Variants in MXRA5 observed in about 807,000 individuals in gnomAD.
MXRA5 encodes the protein matrix-remodeling-associated protein 5.
A neutral mutation model predicts 112.5 loss-of-function variants in MXRA5; 41 were observed. That is an observed-to-expected ratio of 0.36 (90% CI 0.28 to 0.47). MXRA5 has a LOEUF of 0.47. Ranked by LOEUF, MXRA5 falls within the 20% of genes least tolerant of loss-of-function variation. MXRA5 has a pLI of 0.99. For synonymous variants in MXRA5, 862 were observed against 900.8 expected (o/e 0.96, Z 0.77); for missense variants, 2,150 against 2,251.0 (o/e 0.96, Z 0.91).
rs1451148093 is a variant in MXRA5 at position 3,322,425 on chromosome X, C to T, written c.3260G>A (p.Gly1087Asp). Residue 1087 changes from glycine (G) to aspartate (D), a missense_variant, in exon 5 of 7, where the codon GGC becomes GAC. Physicochemically the swap from Gly to Asp is moderately conservative, Grantham distance 94. Transcript: ENST00000217939. ...PTHSRSSESE[G>D]QESKSITLPD... ...CAAAGTGATGGATTTGCTCTCTTGG[C>T]CCTCACTCTCAGAACTTCTGGAGTG... The T allele has an allele frequency of 4.1e-6, 5 of 1,209,372 alleles. No individual in the cohort carries two copies. Among genetic ancestry groups the T allele is most frequent in the Non-Finnish European group, 5.6e-6 (5 of 895,018 alleles).
chrX:3,313,290 C>T (rs1391162238), intron 6 of MXRA5, among the ~76,000 whole-genome samples: 2 of 112,221 alleles, frequency 1.8e-5, no homozygotes, highest in African/African-American at 6.5e-5. Flanking sequence ...GATGGAGTCT[C>T]GCTCTGTCAC....
chrX:3,332,697 C>A (rs1921696070), intron 2 of MXRA5, among the ~76,000 whole-genome samples: 1 of 112,162 alleles, frequency 8.9e-6, no homozygotes, highest in Non-Finnish European at 1.9e-5. Context: ...CATTTTGACT[C>A]ATGTAGTCAA....
At chrX:3,318,623 T>C (rs1921214497) in intron 5 of MXRA5, among the ~76,000 whole-genome samples, 1 of 112,302 alleles carries the variant, frequency 8.9e-6, no homozygotes, top group African/African-American at 3.2e-5. Flanking sequence ...GAAAACAGTA[T>C]GGAGATTCCT....
Position 3,330,771 on chromosome X carries a change from A to C in MXRA5, c.191T>G (p.Phe64Cys). ...AKHVERINLG[F>C]NSIQALSETS... ...TTCTGACAGGGCCTGTATGCTATTA[A>C]ACCTAAAGAATGGTAATAATAATAA... The change falls in exon 3 of 7, where the codon TTT (phenylalanine) becomes TGT (cysteine). Residue 64 changes from phenylalanine to cysteine, a missense_variant and splice_region_variant. Around this residue, in one of 6 missense-constraint regions of MXRA5, gnomAD observed 386 missense variants for 411.0 expected, o/e 0.94. Transcript: ENST00000217939. The C allele has an allele frequency of 8.8e-7, 1 of 1,133,447 alleles. No homozygotes were observed. Among genetic ancestry groups the C allele is most frequent in the Middle Eastern group, 2.5e-4 (1 of 4,056 alleles). 93.4% of individuals were successfully genotyped at this position (1,133,447 alleles called of 1,213,427 possible).
rs867295958 is a variant in MXRA5, at chrX:3,324,208, C to T, written c.1477G>A (p.Glu493Lys). Residue 493 changes from glutamate (E) to lysine (K), a missense_variant, in exon 5 of 7, where the codon GAA becomes AAA. Physicochemically the swap from Glu to Lys is moderately conservative, Grantham distance 56. Coordinates refer to ENST00000217939, the MANE Select transcript of MXRA5 (RefSeq NM_015419.4). Reference protein sequence around the residue: ...GAVQRDQTVLEGGPCQLSCNV... With the variant: ...GAVQRDQTVLKGGPCQLSCNV... ...CAGCTCAACTGGCATGGACCCCCTT[C>T]CAGGACAGTCTGATCTCTTTGCACA... 1 of 1,211,835 alleles carries T rather than the reference C, an allele frequency of 8.3e-7. No homozygotes were observed. The highest frequency in any genetic ancestry group is 1.1e-6 in the Non-Finnish European group (1 of 895,529).
In MXRA5 at chrX:3,320,314, G is replaced by A. The variant is rs1460150943; in HGVS notation, c.5371C>T (p.His1791Tyr). The part of the protein sequence containing the change: ...DFGPPAPPLL[H>Y]TPQTTGSPST... The stretch of plus-strand genomic sequence containing the variant: ...GGTGATCCCGTGGTCTGCGGAGTGT[G>A]CAACAACGGAGGTGCCGGAGGGCCA... Residue 1791 changes from histidine (H) to tyrosine (Y), a missense_variant, in exon 5 of 7, where the codon CAC becomes TAC. Around this residue, in one of 6 missense-constraint regions of MXRA5, gnomAD observed 1,485 missense variants for 1,471.6 expected, o/e 1.01. Transcript: ENST00000217939. 8.3e-6 allele frequency: 10 copies of A among 1,211,891 alleles called. No individual in the cohort carries two copies. Among genetic ancestry groups the A allele is most frequent in the Non-Finnish European group, 1.1e-5 (10 of 895,454 alleles).
At chrX:3,325,550 A>G (rs1921438580) in intron 4 of MXRA5, among the ~76,000 whole-genome samples, 1 of 105,060 alleles carries the variant, frequency 9.5e-6, no homozygotes, top group African/African-American at 3.4e-5. Flanking sequence ...ATATATTTAT[A>G]TAATATATAT....
intron 2 of MXRA5, 145 bp downstream of exon 2, chrX:3,343,500 GC>G: frequency 1.8e-6 from 1 of 562,379 alleles, no homozygotes; most frequent in East Asian, 3.7e-5. Flanking sequence ...TCTCTATTCT[GC>G]CCATCTGCAG....
Position 3,322,766 on chromosome X carries a change from C to T in MXRA5, c.2919G>A (p.Glu973=). ...AATCTGGGTCAAAGTATTGCATGGGCTCAGACTCAGCCAAGGAGACAGCAT... is the reference window on the plus strand; with the variant it reads ...AATCTGGGTCAAAGTATTGCATGGGTTCAGACTCAGCCAAGGAGACAGCAT... ...PLDAVSLAES[E]PMQYFDPDLE... is the part of the protein sequence containing the mutation. Residue 973 remains glutamate (E), a synonymous_variant, in exon 5 of 7, where the codon GAG becomes GAA. Coordinates refer to ENST00000217939, the MANE Select transcript of MXRA5 (RefSeq NM_015419.4). The T allele has an allele frequency of 6.6e-6, 8 of 1,211,529 alleles. No individual in the cohort carries two copies. The highest frequency in any genetic ancestry group is 8.9e-6 in the Non-Finnish European group (8 of 895,476).
rs1297191323 is a variant in MXRA5, at chrX:3,321,939, C to T, written c.3746G>A (p.Ser1249Asn). 1 of 1,211,356 alleles carries T rather than the reference C, an allele frequency of 8.3e-7. No homozygotes were observed. ...GGGCTTGGATCCGGACGCTCTTGAGCTCACTGTAGAAGGGGTATATCGATG... is the reference window on the plus strand; with the variant it reads ...GGGCTTGGATCCGGACGCTCTTGAGTTCACTGTAGAAGGGGTATATCGATG... ...NKHRYTPSTV[S>N]SRASGSKPSP... Residue 1249 changes from serine to asparagine, a missense_variant, in exon 5 of 7, where the codon AGC becomes AAC. By Grantham distance (46) the Ser-to-Asn change is conservative. Transcript: ENST00000217939.
chrX:3,317,057 G>A (rs1349940207), intron 6 of MXRA5, 46 bp downstream of exon 6: 1 of 1,089,592 alleles, frequency 9.2e-7, no homozygotes, highest in South Asian at 2.3e-5. Context: ...TATTCGTTGG[G>A]GCCACCAGCC....
At position 3,321,557 on chromosome X, in the gene MXRA5, T is replaced by A. The variant is rs902472492; in HGVS notation, c.4128A>T (p.Gly1376=). The A allele has an allele frequency of 5.0e-6, 6 of 1,207,751 alleles. No individual in the cohort carries two copies. The African/African-American group carries it at 1.0e-4, about 21-fold the overall frequency. ...TCCTTGAGGGATTCCAGGTTGGAGT[T>A]CCTGGAAAGCCTACAGGAGAGGATT... ...KEESSPVGFP[G]TPTWNPSRTA... is the part of the protein sequence containing the mutation. Residue 1376 remains glycine (G), a synonymous_variant, in exon 5 of 7, where the codon GGA becomes GGT. Coordinates refer to ENST00000217939, the MANE Select transcript of MXRA5 (RefSeq NM_015419.4).
chrX:3,330,430 A>T, intron 3 of MXRA5, 22 bp from the exon 4 acceptor site: 10 of 1,167,881 alleles, frequency 8.6e-6, no homozygotes, highest in Non-Finnish European at 1.1e-5. Flanking sequence ...GGGGAAAACA[A>T]AACAAAACAA....
In MXRA5 at chrX:3,323,293, C is replaced by T. The variant is rs148558144; in HGVS notation, c.2392G>A (p.Gly798Ser). 2.1e-4 allele frequency: 252 copies of T among 1,209,450 alleles called. No individual in the cohort carries two copies. The African/African-American group carries it at 4.0e-3, about 19-fold the overall frequency. Residue 798 changes from glycine (G) to serine (S), a missense_variant, in exon 5 of 7, where the codon GGC (glycine) becomes AGC (serine). By Grantham distance (56) the Gly-to-Ser change is moderately conservative. Coordinates refer to ENST00000217939, the MANE Select transcript of MXRA5 (RefSeq NM_015419.4). ...TTAATCAATGGGGGTACTTCTGTGCCCTTAGGGAGATTTTTCCCACGGACT... is the reference window on the plus strand; with the variant it reads ...TTAATCAATGGGGGTACTTCTGTGCTCTTAGGGAGATTTTTCCCACGGACT... ...AKVRGKNLPK[G>S]TEVPPLIKTT...
chrX:3,334,602 A>G (rs1921742688), intron 2 of MXRA5, among the ~76,000 whole-genome samples: 1 of 112,110 alleles, frequency 8.9e-6, no homozygotes, highest in Non-Finnish European at 1.9e-5. Flanking sequence ...ACTAAAATGT[A>G]GTTAGGCAGG....
chrX:3,343,965 G>C (rs948365015), intron 1 of MXRA5, 104 bp from the exon 2 acceptor site: 1 of 603,458 alleles, frequency 1.7e-6, no homozygotes, highest in Admixed American at 3.8e-5. Flanking sequence ...AGCTTCCCAG[G>C]ACTTCACACG....
chrX:3,341,405 ATT>A lies in MXRA5; in HGVS notation c.188+2239_188+2240del, dbSNP rs1569188638. Among the ~76,000 whole-genome samples, 93 of 22,178 alleles carry A rather than the reference ATT, an allele frequency of 4.2e-3. 3 individuals carry two copies. Among genetic ancestry groups the A allele is most frequent in the African/African-American group, 0.017 (46 of 2,653 alleles). 19.3% of individuals were successfully genotyped at this position (22,178 alleles called of 115,157 possible). A position where few individuals can be genotyped will look rare whatever the true frequency, so the allele number is the denominator to read the frequency against. ...ATTATATATAATATATATAATATAT[ATT>A]ATTATTATATATAATATATGTAATA... is the stretch of plus-strand genomic sequence containing the variant. On this transcript the variant is annotated intron_variant, in intron 2 of 6. Coordinates refer to ENST00000217939, the MANE Select transcript of MXRA5 (RefSeq NM_015419.4).
At chrX:3,338,999 T>C (rs1487861951) in intron 2 of MXRA5, among the ~76,000 whole-genome samples, 3 of 109,098 alleles carry the variant, frequency 2.7e-5, no homozygotes, top group Non-Finnish European at 5.7e-5. Context: ...GATAGATAGA[T>C]AGATATTGAG....
rs41297265 is a variant in MXRA5, at chrX:3,310,931, C to T, written c.7272G>A (p.Ala2424=). The T allele has an allele frequency of 2.1e-5, 25 of 1,209,768 alleles. No individual in the cohort carries two copies. In the African/African-American group the frequency reaches 2.4e-4, roughly 12 times the overall value. Residue 2424 remains alanine (A), a synonymous_variant, in exon 7 of 7, where the codon GCG becomes GCA. Coordinates refer to ENST00000217939, the MANE Select transcript of MXRA5 (RefSeq NM_015419.4). Reference sequence around the variant, plus strand: ...TCCACACCGTCTTCCTATCCTCTCCCGCGCTGTTCCTGACCAAGCAGGTGT... The same window carrying T: ...TCCACACCGTCTTCCTATCCTCTCCTGCGCTGTTCCTGACCAAGCAGGTGT... The part of the protein sequence containing the change: ...GNYTCLVRNS[A]GEDRKTVWIH...
Sources: allele counts gnomAD v4.1 joint callset (sites outside exome capture counted in the v4.1 genomes callset), GRCh38; gene constraint gnomAD v4.1.1; regional missense constraint gnomAD v4.1.1; transcripts MANE v1.5; gene names NCBI Gene and HGNC (gene_info 2026-07-23, HGNC 2026-07-21).